Variants in PCDHA5 observed in about 807,000 individuals in gnomAD.
PCDHA5 encodes protocadherin alpha-5.
PCDHA5 carries 43 observed loss-of-function variants against 61.6 expected under a neutral mutation model. That is an observed-to-expected ratio of 0.70 (90% CI 0.55 to 0.90). The LOEUF (loss-of-function observed/expected upper bound fraction) is 0.90. Among genes scored for constraint, PCDHA5 ranks in the 40% least tolerant of loss-of-function variants. The pLI is 0.00. For synonymous variants in PCDHA5, 627 were observed against 543.9 expected, an observed-to-expected ratio of 1.15 and a Z score of -2.13; for missense variants, 1,298 against 1,222.7, an observed-to-expected ratio of 1.06 and a Z score of -0.92.
At chr5:140,870,544 G>A in intron 1 of PCDHA5, 1 of 1,614,124 alleles carries the variant, frequency 6.2e-7, no homozygotes, top group South Asian at 1.1e-5. Context: ...GGCGCGGGAC[G>A]CGGACGCGCA....
chr5:140,921,581 T>C (rs1199851100), intron 1 of PCDHA5, among the ~76,000 whole-genome samples: 1 of 152,210 alleles, frequency 6.6e-6, no homozygotes, highest in Non-Finnish European at 1.5e-5. Flanking sequence ...GAGCTCATAC[T>C]ATATTATGGT....
intron 3 of PCDHA5, among the ~76,000 whole-genome samples, chr5:140,991,081 AAAATT>A (rs782742337): frequency 6.6e-6 from 1 of 152,236 alleles, no homozygotes. Flanking sequence ...TTCAGATAAA[AAAATT>A]AAAGCTCATA....
At chr5:140,873,770 C>T (rs1316613523) in intron 1 of PCDHA5, among the ~76,000 whole-genome samples, 1 of 151,400 alleles carries the variant, frequency 6.6e-6, no homozygotes, top group Non-Finnish European at 1.5e-5. Context: ...AAGCAATTCT[C>T]CTGCCTCAGC....
Position 140,842,580 on chromosome 5 carries a change from C to G in PCDHA5, c.2352+18453C>G. ...GCCCTGGACCGCGAGAGAGTGTCGG[C>G]CTATGAGTTGGTGGTAACCGCGCGG... On this transcript the variant is annotated intron_variant, in intron 1 of 3. Coordinates refer to ENST00000529859, the MANE Select transcript of PCDHA5 (RefSeq NM_018908.3). 1 of 1,517,750 alleles carries G rather than the reference C, an allele frequency of 6.6e-7. No homozygotes were observed. The highest frequency in any genetic ancestry group is 9.0e-7 in the Non-Finnish European group (1 of 1,116,480). The allele number at this position is 1,517,750 out of a possible 1,614,324, so 94.0% of individuals were successfully genotyped here. A position where few individuals can be genotyped will look rare whatever the true frequency, so the allele number is the denominator to read the frequency against.
At chr5:140,841,206 G>A (rs1278287433) in intron 1 of PCDHA5, 13 of 1,350,372 alleles carry the variant, frequency 9.6e-6, no homozygotes, top group Admixed American at 2.4e-5. Flanking sequence ...GACAGCATCT[G>A]TCTCTAAAGG....
At position 140,997,506 on chromosome 5, in the gene PCDHA5, T is replaced by A. The variant is rs147089901; in HGVS notation, c.2501-12121T>A. On this transcript the variant is annotated intron_variant, in intron 3 of 3. Coordinates refer to ENST00000529859, the MANE Select transcript of PCDHA5 (RefSeq NM_018908.3). ...AAGTATTTGTGTATCTCAACATACC[T>A]AAACGCAGAAAAAGTACAATAAAAA... Among the ~76,000 whole-genome samples the A allele has an allele frequency of 4.4e-3, 665 of 152,304 alleles. 5 individuals are homozygous for A. Among genetic ancestry groups the A allele is most frequent in the African/African-American group, 0.015 (619 of 41,574 alleles).
rs1311377754 is a variant in PCDHA5 at position 140,847,747 on chromosome 5, G to C, written c.2352+23620G>C. 1.3e-5 allele frequency: 2 copies of C among 149,564 alleles called. 1 individual carries two copies. The highest frequency in any genetic ancestry group is 3.0e-5 in the Non-Finnish European group (2 of 66,834). 9.3% of individuals were successfully genotyped at this position (149,564 alleles called of 1,614,324 possible). ...AGAGAAAAATATATTTTCTCCCCAC[G>C]CAACACAAGACCTTAAAGTCAATTC... On this transcript the variant is annotated intron_variant, in intron 1 of 3. Coordinates refer to ENST00000529859, the MANE Select transcript of PCDHA5 (RefSeq NM_018908.3).
intron 1 of PCDHA5, chr5:140,841,270 C>T: frequency 6.5e-7 from 1 of 1,529,280 alleles, no homozygotes; most frequent in Non-Finnish European, 8.8e-7. Context: ...AAAGTACAGT[C>T]GTTCATCTTT....
rs1052475502 is a variant in PCDHA5, at chr5:140,823,264, C to G, written c.1489C>G (p.Arg497Gly). The change falls in exon 1 of 4, where the codon CGG becomes GGG. Residue 497 changes from arginine to glycine, a missense_variant. Arg to Gly is a moderately radical substitution (Grantham distance 125). Coordinates refer to ENST00000529859, the MANE Select transcript of PCDHA5 (RefSeq NM_018908.3). ...ALVSYSLVERRVGERPLSSYV... is the reference protein window; with the variant it reads ...ALVSYSLVERGVGERPLSSYV... The stretch of plus-strand genomic sequence containing the variant: ...GGTGTCCTACTCGCTGGTGGAGCGG[C>G]GGGTGGGCGAGCGCCCGCTGTCGAG... 3.1e-5 allele frequency: 50 copies of G among 1,612,792 alleles called. No homozygotes were observed. Among genetic ancestry groups the G allele is most frequent in the Non-Finnish European group, 4.2e-5 (49 of 1,179,768 alleles).
intron 3 of PCDHA5, among the ~76,000 whole-genome samples, chr5:140,994,709 A>C (rs1436733940): frequency 6.6e-6 from 1 of 152,166 alleles, no homozygotes; most frequent in Non-Finnish European, 1.5e-5. Flanking sequence ...TGTCTCAAAA[A>C]AAAATTTAAA....
chr5:140,926,537 T>G, intron 1 of PCDHA5: 10 of 211,562 alleles, frequency 4.7e-5, no homozygotes, highest in Non-Finnish European at 7.4e-5. Flanking sequence ...GCAGCCAGCG[T>G]GGTGGTCGAG....
chr5:140,930,394 T>C (rs531643898), intron 1 of PCDHA5: 1 of 145,356 alleles, frequency 6.9e-6, no homozygotes, highest in South Asian at 2.2e-4. Flanking sequence ...TCAAAACTTC[T>C]TTTTTTTTTT....
intron 3 of PCDHA5, among the ~76,000 whole-genome samples, chr5:141,008,308 TA>T (rs1554261716): frequency 6.6e-6 from 1 of 152,214 alleles, no homozygotes; most frequent in East Asian, 1.9e-4. Flanking sequence ...CCCTAAACTG[TA>T]ATTGAACATA....
intron 1 of PCDHA5, among the ~76,000 whole-genome samples, chr5:140,907,880 A>G (rs2073662183): frequency 6.6e-6 from 1 of 152,236 alleles, no homozygotes; most frequent in Non-Finnish European, 1.5e-5. Flanking sequence ...GAGCACTCAC[A>G]TGGGATACAA....
Position 140,883,115 on chromosome 5 carries a change from AGGCCTGTAT to A in PCDHA5, c.2352+58995_2352+59003del, listed in dbSNP as rs2059447979. The A allele has an allele frequency of 1.9e-6, 3 of 1,613,978 alleles. No homozygotes were observed. The South Asian group carries it at 3.3e-5, about 18-fold the overall frequency. ...TGGAGATATAGTTTACTCATTTAGA[AGGCCTGTAT>A]GGCCTGCAGTGGTATATGCATTTAC... On this transcript the variant is annotated intron_variant, in intron 1 of 3. Transcript: ENST00000529859.
chr5:140,830,040 T>C lies in PCDHA5; in HGVS notation c.2352+5913T>C, dbSNP rs2150180125. The C allele has an allele frequency of 2.5e-6, 4 of 1,613,666 alleles. No homozygotes were observed. The African/African-American group carries it at 4.0e-5, about 16-fold the overall frequency. On this transcript the variant is annotated intron_variant, in intron 1 of 3. Coordinates refer to ENST00000529859, the MANE Select transcript of PCDHA5 (RefSeq NM_018908.3). Reference sequence around the variant, plus strand: ...TCTCCGCGCCACCGGCTGCTGGTGCTGGTGAAAGACCACGGTGAGCCGGCG... The same window carrying C: ...TCTCCGCGCCACCGGCTGCTGGTGCCGGTGAAAGACCACGGTGAGCCGGCG...
intron 1 of PCDHA5, among the ~76,000 whole-genome samples, chr5:140,872,031 C>A (rs1383565952): frequency 6.6e-6 from 1 of 152,220 alleles, no homozygotes; most frequent in Non-Finnish European, 1.5e-5. Context: ...AACTGCTAAG[C>A]TCAAAGAATT....
chr5:140,838,074 TATAGTGTGTGTGTGTGTGTG>T (rs1775436648), intron 1 of PCDHA5, among the ~76,000 whole-genome samples: 2 of 120,528 alleles, frequency 1.7e-5, no homozygotes. Context: ...GTTATATATA[TATAGTGTGTGTGTGTGTGTG>T]TGTGTGTGTG....
intron 1 of PCDHA5, among the ~76,000 whole-genome samples, chr5:140,945,853 A>G (rs782332952): frequency 6.6e-6 from 1 of 152,190 alleles, no homozygotes; most frequent in Non-Finnish European, 1.5e-5. Flanking sequence ...AAAGACTTAA[A>G]CATAGACCTG....
Sources: allele counts gnomAD v4.1 joint callset (sites outside exome capture counted in the v4.1 genomes callset), GRCh38; gene constraint gnomAD v4.1.1; transcripts MANE v1.5; gene names NCBI Gene and HGNC (gene_info 2026-07-23, HGNC 2026-07-21).